ITK: variants seen among roughly 807,000 people sequenced by gnomAD.
The protein encoded by ITK is tyrosine-protein kinase ITK/TSK.
In ITK, 45 loss-of-function variants were observed where a neutral mutation model predicts 87.6. The ratio of observed to expected loss-of-function variants is 0.51; its 90% CI spans 0.40 to 0.66. The LOEUF is 0.66. Ranked by LOEUF, ITK falls within the 30% of genes least tolerant of loss-of-function variation. The pLI is 0.00. For missense variants in ITK, 605 were observed against 766.3 expected (o/e 0.79, Z 2.48); for synonymous variants, 303 against 273.6 (o/e 1.11, Z -1.06).
Position 157,243,671 on chromosome 5 carries a change from G to T in ITK, c.1109G>T (p.Gly370Val), listed in dbSNP as rs1754959570. The T allele has an allele frequency of 1.2e-6, 2 of 1,613,320 alleles. No individual in the cohort carries two copies. The highest frequency in any genetic ancestry group is 1.7e-6 in the Non-Finnish European group (2 of 1,179,948). The stretch of plus-strand genomic sequence containing the variant: ...GAGCTCACTTTTGTGCAAGAGATTG[G>T]CAGTGGGCAATTTGGGTTGGTGCAT... ...PSELTFVQEI[G>V]SGQFGLVHLG... The change falls in exon 12 of 17, where the codon GGC (glycine) becomes GTC (valine). Residue 370 changes from glycine (G) to valine (V), a missense_variant. Physicochemically the swap from Gly to Val is moderately radical, Grantham distance 109. This residue lies in a region of ITK where 464 missense variants were observed against 578.0 expected (regional missense o/e 0.80). Coordinates refer to ENST00000422843, the MANE Select transcript of ITK (RefSeq NM_005546.4).
chr5:157,252,142 T>G (rs1230315124), intron 16 of ITK, among the ~76,000 whole-genome samples: 4 of 152,244 alleles, frequency 2.6e-5, no homozygotes, highest in Non-Finnish European at 5.9e-5. Flanking sequence ...TCCATTTATT[T>G]AGATCTTCTT....
chr5:157,235,925 G>A (rs1254008196), intron 8 of ITK, among the ~76,000 whole-genome samples: 1 of 152,192 alleles, frequency 6.6e-6, no homozygotes, highest in Non-Finnish European at 1.5e-5. Context: ...AACTTAGCAT[G>A]TGATAATAAT....
chr5:157,216,100 C>T (rs1406219643), intron 4 of ITK, among the ~76,000 whole-genome samples: 2 of 152,216 alleles, frequency 1.3e-5, no homozygotes, highest in Non-Finnish European at 2.9e-5. Context: ...ATATCCTCCT[C>T]TGAGCATCTC....
chr5:157,252,797 G>T lies in ITK; in HGVS notation c.*119G>T. On this transcript the variant is annotated 3_prime_UTR_variant, in exon 17 of 17. Transcript: ENST00000422843. ...GGACCCTCCAGAGGCAGCCTGGCCT[G>T]TGGCATCAGTCCCTGAGTCACCATG... The T allele has an allele frequency of 1.3e-6, 1 of 790,962 alleles. No homozygotes were observed. Among genetic ancestry groups the T allele is most frequent in the East Asian group, 2.5e-5 (1 of 40,560 alleles). 49.0% of individuals were successfully genotyped at this position (790,962 alleles called of 1,614,324 possible).
chr5:157,238,940 T>C (rs925147408), intron 9 of ITK, among the ~76,000 whole-genome samples: 2 of 152,272 alleles, frequency 1.3e-5, no homozygotes, highest in African/African-American at 2.4e-5. Flanking sequence ...TTTTAAGGTG[T>C]CTTCGGAAAA....
intron 10 of ITK, chr5:157,241,406 T>C: frequency 3.0e-6 from 1 of 332,754 alleles, no homozygotes; most frequent in Non-Finnish European, 5.6e-6. Context: ...TTAATTATAT[T>C]ATATATCTTC....
At chr5:157,187,580 T>C (rs908835804) in intron 1 of ITK, among the ~76,000 whole-genome samples, 2 of 152,148 alleles carry the variant, frequency 1.3e-5, no homozygotes, top group Non-Finnish European at 2.9e-5. Context: ...GAGGTAGTAG[T>C]GTGTGGCCTA....
intron 2 of ITK, 38 bp downstream of exon 2, chr5:157,209,031 C>T (rs1274101275): frequency 7.3e-7 from 1 of 1,373,276 alleles, no homozygotes; most frequent in East Asian, 2.3e-5. Flanking sequence ...ATTCCCTGGA[C>T]TGTGGTTAAA....
chr5:157,222,753 A>G, intron 5 of ITK, 110 bp from the exon 6 acceptor site: 1 of 1,045,560 alleles, frequency 9.6e-7, no homozygotes. Context: ...TAACTCATAA[A>G]GAAAGTCTAC....
chr5:157,252,503 AC>A, intron 16 of ITK, 103 bp from the exon 17 acceptor site: 1 of 838,540 alleles, frequency 1.2e-6, no homozygotes, highest in Non-Finnish European at 2.1e-6. Flanking sequence ...GGAAGCACAT[AC>A]AAAAATCCAC....
At chr5:157,188,646 A>T (rs1753692016) in intron 1 of ITK, among the ~76,000 whole-genome samples, 1 of 152,144 alleles carries the variant, frequency 6.6e-6, no homozygotes, top group African/African-American at 2.4e-5. Context: ...TGTCTGAAAC[A>T]TGGTCTTGCT....
chr5:157,217,658 A>G (rs574534378), intron 4 of ITK, among the ~76,000 whole-genome samples: 1 of 152,194 alleles, frequency 6.6e-6, no homozygotes, highest in East Asian at 1.9e-4. Context: ...AGAAAAGGGA[A>G]TCAGAAACCA....
chr5:157,230,633 T>A lies in ITK; in HGVS notation c.714-1707T>A, dbSNP rs1418544928. Among the ~76,000 whole-genome samples the A allele has an allele frequency of 2.0e-5, 3 of 152,254 alleles. No homozygotes were observed. In the South Asian group the frequency reaches 6.2e-4, roughly 32 times the overall value. ...ATATAGGGTATATGCTTAAATAAAA[T>A]AAAAAATCTTTATAGGCAATACCTT... On this transcript the variant is annotated intron_variant, in intron 7 of 16. Coordinates refer to ENST00000422843, the MANE Select transcript of ITK (RefSeq NM_005546.4).
intron 6 of ITK, 93 bp from the exon 7 acceptor site, chr5:157,228,203 C>T (rs1754576157): frequency 1.2e-6 from 1 of 815,326 alleles, no homozygotes; most frequent in South Asian, 1.4e-5. Context: ...GTGATATTCC[C>T]CAATCTTTAA....
At chr5:157,210,269 T>C (rs1429688925) in intron 2 of ITK, among the ~76,000 whole-genome samples, 4 of 152,134 alleles carry the variant, frequency 2.6e-5, no homozygotes, top group Non-Finnish European at 5.9e-5. Context: ...AAGGCATGGA[T>C]ATCTCCTTGC....
intron 13 of ITK, chr5:157,245,021 C>G (rs895818444): frequency 5.8e-6 from 1 of 173,532 alleles, no homozygotes; most frequent in Non-Finnish European, 1.3e-5. Flanking sequence ...GTCAGGAGTT[C>G]GAGACCACCC....
chr5:157,216,481 A>G (rs1181047337), intron 4 of ITK, among the ~76,000 whole-genome samples: 1 of 152,146 alleles, frequency 6.6e-6, no homozygotes, highest in Non-Finnish European at 1.5e-5. Flanking sequence ...TGGTGGATGA[A>G]AGAATCTGAG....
At chr5:157,244,223 T>G in intron 12 of ITK, 39 bp from the exon 13 acceptor site, 3 of 1,533,364 alleles carry the variant, frequency 2.0e-6, no homozygotes, top group Non-Finnish European at 2.7e-6. Flanking sequence ...TTTGGGAGAC[T>G]GAGTTTAGGC....
chr5:157,217,011 A>G (rs1258596599), intron 4 of ITK, among the ~76,000 whole-genome samples: 1 of 152,092 alleles, frequency 6.6e-6, no homozygotes, highest in East Asian at 1.9e-4. Context: ...TTCTCTTCCC[A>G]TCTCTCGTTA....
Sources: gnomAD v4.1 joint callset for allele counts (sites outside exome capture counted in the v4.1 genomes callset) on GRCh38, gnomAD v4.1.1 for gene constraint, gnomAD v4.1.1 regional missense constraint, MANE v1.5 for transcripts, NCBI Gene and HGNC (gene_info 2026-07-23, HGNC 2026-07-21) for gene names.